Variants in OCM2 observed in about 807,000 individuals in gnomAD.
OCM2 encodes the protein oncomodulin 2, also known as oncomodulin-2.
Under a neutral mutation model 13.6 loss-of-function variants are expected in OCM2, and 6 were observed. The observed-to-expected ratio is 0.44, with a 90% CI of 0.24 to 0.87. The LOEUF (loss-of-function observed/expected upper bound fraction) is 0.87. OCM2 is among the 40% of genes least tolerant of loss of function. OCM2 has a pLI of 0.22. For missense variants in OCM2, 118 were observed against 136.8 expected, an observed-to-expected ratio of 0.86 and a Z score of 0.68; for synonymous variants, 40 against 50.7, an observed-to-expected ratio of 0.79 and a Z score of 0.90.
exon 1 of OCM2, chr7:97,990,107 T>C: frequency 1.9e-6 from 3 of 1,613,690 alleles, no homozygotes; most frequent in East Asian, 2.2e-5. Flanking sequence ...ATGCTCATTT[T>C]CTACCTACTC....
At chr7:97,989,410 T>TTTATTTAC (rs1794708677) in intron 1 of OCM2, among the ~76,000 whole-genome samples, 2 of 151,074 alleles carry the variant, frequency 1.3e-5, no homozygotes, top group Non-Finnish European at 2.9e-5. Context: ...TATTTATTTA[T>TTTATTTAC]TTATTTAGAG....
Position 97,989,900 on chromosome 7 carries a change from C to T in OCM2, c.61+144G>A, listed in dbSNP as rs1584172353. 2.3e-5 allele frequency: 16 copies of T among 681,644 alleles called. 1 individual carries two copies. In the South Asian group the frequency reaches 3.1e-4, roughly 13 times the overall value. 42.2% of individuals were successfully genotyped at this position (681,644 alleles called of 1,614,324 possible). ...GTCTCAAACTCCTGACCTCGTGATC[C>T]ACCCACCTCAGCCTCCCAAAGTGCT... On this transcript the variant is annotated intron_variant, in intron 1 of 3. Coordinates refer to ENST00000257627, the Ensembl canonical transcript of OCM2.
chr7:97,990,138 G>T lies in OCM2; in HGVS notation c.-34C>A, dbSNP rs780846926. The T allele has an allele frequency of 5.6e-6, 9 of 1,604,030 alleles. No individual in the cohort carries two copies. The African/African-American group carries it at 1.2e-4, about 22-fold the overall frequency. On this transcript the variant is annotated 5_prime_UTR_variant, in exon 1 of 4. Transcript: ENST00000257627. ...TACTCACACAGAATAAACGAGAGGC[G>T]ATAAGCCACAAACAGGAACGTGCAC...
chr7:97,988,847 C>T (rs1375936262), intron 1 of OCM2, among the ~76,000 whole-genome samples: 1 of 152,032 alleles, frequency 6.6e-6, no homozygotes, highest in Non-Finnish European at 1.5e-5. Flanking sequence ...GTGGCCGAGC[C>T]CCCAACATCC....
At chr7:97,986,899 T>C (rs1281896870) in intron 3 of OCM2, 148 bp downstream of exon 3, 3 of 1,309,834 alleles carry the variant, frequency 2.3e-6, no homozygotes, top group Non-Finnish European at 3.1e-6. Context: ...ATCCTTACTT[T>C]AGTCTCATTT....
At chr7:97,988,718 TG>T (rs769550643) in intron 1 of OCM2, among the ~76,000 whole-genome samples, 170 bp from the exon 2 acceptor site, 34 of 152,016 alleles carry the variant, frequency 2.2e-4, no homozygotes, top group Non-Finnish European at 3.1e-4. Context: ...GGCTCTGTGA[TG>T]GCATCCCATG....
intron 1 of OCM2, 28 bp downstream of exon 1, chr7:97,990,016 T>TCCC: frequency 9.2e-6 from 10 of 1,083,828 alleles, no homozygotes; most frequent in Non-Finnish European, 1.3e-5. Flanking sequence ...TGTGAGGAAA[T>TCCC]CCCACCCCCG....
intron 2 of OCM2, 111 bp from the exon 3 acceptor site, chr7:97,987,267 T>C: frequency 9.5e-6 from 12 of 1,264,872 alleles, no homozygotes; most frequent in Non-Finnish European, 1.3e-5. Flanking sequence ...CTGCAATAAT[T>C]AGCCAAGGTC....
chr7:97,990,016 T>TGCCAGCCC, intron 1 of OCM2, 28 bp downstream of exon 1: 1 of 1,083,840 alleles, frequency 9.2e-7, no homozygotes, highest in Non-Finnish European at 1.4e-6. Flanking sequence ...TGTGAGGAAA[T>TGCCAGCCC]CCCACCCCCG....
exon 1 of OCM2, chr7:97,990,125 A>T (rs780538475): frequency 6.2e-6 from 10 of 1,613,288 alleles, no homozygotes; most frequent in Non-Finnish European, 8.5e-6. Flanking sequence ...CTCACACAGA[A>T]TAAACGAGAG....
rs35914899 is a variant in OCM2, at chr7:97,986,322, G to GTTT, written c.304+722_304+724dup. Among the ~76,000 whole-genome samples the GTTT allele has an allele frequency of 2.3e-3, 348 of 150,242 alleles. 1 individual carries two copies. Among genetic ancestry groups the GTTT allele is most frequent in the Middle Eastern group, 0.017 (5 of 292 alleles). On this transcript the variant is annotated intron_variant, in intron 3 of 3. Coordinates refer to ENST00000257627, the Ensembl canonical transcript of OCM2. ...GCGATAGTGGTATAATTTTGAACAG[G>GTTT]TTTTTTTTTTAATAAGCATCTAACG...
intron 1 of OCM2, among the ~76,000 whole-genome samples, chr7:97,989,420 G>A (rs1794708830): frequency 1.2e-5 from 1 of 84,768 alleles, no homozygotes; most frequent in African/African-American, 4.1e-5. Flanking sequence ...TTTATTTAGA[G>A]ACAGAGTCTC....
At chr7:97,988,394 A>G (rs762566547) in intron 2 of OCM2, 22 bp downstream of exon 2, 1 of 1,613,934 alleles carries the variant, frequency 6.2e-7, no homozygotes, top group Non-Finnish European at 8.5e-7. Flanking sequence ...CAGGTACCAG[A>G]CAGCCTCAGG....
At chr7:97,988,445 C>A in exon 2 of OCM2, 2 of 1,614,152 alleles carry the variant, frequency 1.2e-6, no homozygotes, top group Non-Finnish European at 1.7e-6. Flanking sequence ...GATACCCGCT[C>A]TGGTCGTTGT....
intron 1 of OCM2, among the ~76,000 whole-genome samples, chr7:97,988,938 T>TTCTTTC (rs1562866071): frequency 1.1e-4 from 17 of 149,676 alleles, no homozygotes; most frequent in Non-Finnish European, 2.5e-4. Context: ...TCTTTCTTTT[T>TTCTTTC]TTTTTTTTTT....
At chr7:97,985,767 A>C (rs1018103104) in intron 3 of OCM2, among the ~76,000 whole-genome samples, 28 of 152,156 alleles carry the variant, frequency 1.8e-4, no homozygotes, top group Non-Finnish European at 3.8e-4. Flanking sequence ...CATTGAACCA[A>C]ACTCCAAAAG....
intron 3 of OCM2, among the ~76,000 whole-genome samples, chr7:97,985,370 A>T (rs1422027613): frequency 6.7e-6 from 1 of 149,664 alleles, no homozygotes; most frequent in Non-Finnish European, 1.5e-5. Context: ...AGTGAGCCGA[A>T]ATCATGCCAC....
intron 1 of OCM2, among the ~76,000 whole-genome samples, chr7:97,989,197 C>T (rs1794704740): frequency 6.6e-6 from 1 of 151,902 alleles, no homozygotes; most frequent in African/African-American, 2.4e-5. Context: ...TCCCAAAGTG[C>T]TGGGATTACA....
At chr7:97,989,375 G>A (rs868232423) in intron 1 of OCM2, among the ~76,000 whole-genome samples, 2 of 123,894 alleles carry the variant, frequency 1.6e-5, no homozygotes, top group Non-Finnish European at 3.5e-5. Context: ...TTCCAGCCAA[G>A]CTCTTATTTA....
Sources: gnomAD v4.1 joint callset for allele counts (sites outside exome capture counted in the v4.1 genomes callset) on GRCh38, gnomAD v4.1.1 for gene constraint, MANE v1.5 for transcripts, NCBI Gene and HGNC (gene_info 2026-07-23, HGNC 2026-07-21) for gene names.